Variants in AKAP7 observed in about 807,000 individuals in gnomAD.
The protein encoded by AKAP7 is A-kinase anchoring protein 7.
AKAP7 carries 39 observed loss-of-function variants against 39.5 expected under a neutral mutation model. The ratio of observed to expected loss-of-function variants is 0.99; its 90% CI spans 0.76 to 1.29. The LOEUF is 1.29. Among genes scored for constraint, AKAP7 ranks in the 50% most tolerant of loss-of-function variants. The pLI, the probability that AKAP7 is intolerant of heterozygous loss-of-function variation, is 0.00. For synonymous variants in AKAP7, 140 were observed against 139.1 expected, an observed-to-expected ratio of 1.01 and a Z score of -0.05; for missense variants, 414 against 407.7, an observed-to-expected ratio of 1.02 and a Z score of -0.13.
At chr6:131,218,976 T>G (rs2128297090) in intron 6 of AKAP7, among the ~76,000 whole-genome samples, 1 of 152,274 alleles carries the variant, frequency 6.6e-6, no homozygotes, top group South Asian at 2.1e-4. Context: ...TTTAAAAAAA[T>G]GTATCTATTT....
rs555213404 is a variant in AKAP7, at chr6:131,196,292, G to A, written c.590-3169G>A. On this transcript the variant is annotated intron_variant, in intron 5 of 7. Transcript: ENST00000431975. ...CTTTTTTTTTTTTTTTTGAGACGGA[G>A]TCTCACTCTGTCACTCAGGCAGGAG... Among the ~76,000 whole-genome samples, 447 of 142,376 alleles carry A rather than the reference G, an allele frequency of 3.1e-3. 4 individuals carry two copies. Among genetic ancestry groups the A allele is most frequent in the African/African-American group, 0.011 (418 of 38,078 alleles). 93.4% of individuals were successfully genotyped at this position (142,376 alleles called of 152,430 possible). A position where few individuals can be genotyped will look rare whatever the true frequency, so the allele number is the denominator to read the frequency against.
At position 131,135,513 on chromosome 6, in the gene AKAP7, T is replaced by TGCCGCCGCCGCTGCTGCC. The variant is rs1562852466; in HGVS notation, c.-249_-248insCGCCGCCGCTGCTGCCGC. Among the ~76,000 whole-genome samples, 2 of 148,596 alleles carry TGCCGCCGCCGCTGCTGCC rather than the reference T, an allele frequency of 1.3e-5. No individual in the cohort carries two copies. The highest frequency in any genetic ancestry group is 3.0e-5 in the Non-Finnish European group (2 of 66,838). ...CCTGGCATGCGGGTGCTGCGGCTGC[T>TGCCGCCGCCGCTGCTGCC]GCGGCTGCCGCCGCCGCTGCTGCCG... is the stretch of plus-strand genomic sequence containing the variant. On this transcript the variant is annotated 5_prime_UTR_variant, in exon 1 of 8. Coordinates refer to ENST00000431975, the MANE Select transcript of AKAP7 (RefSeq NM_016377.4).
At chr6:131,137,204 CCTT>C (rs1291091397) in intron 1 of AKAP7, among the ~76,000 whole-genome samples, 9 of 151,874 alleles carry the variant, frequency 5.9e-5, no homozygotes, top group Non-Finnish European at 1.2e-4. Context: ...CTCAAGCAGT[CCTT>C]CTCTGAGTGC....
chr6:131,167,498 C>G (rs1351109096), intron 4 of AKAP7, among the ~76,000 whole-genome samples: 2 of 152,108 alleles, frequency 1.3e-5, no homozygotes, highest in African/African-American at 2.4e-5. Context: ...AATAGCTGTT[C>G]TGTTATCACA....
At chr6:131,197,546 A>G (rs1286334014) in intron 5 of AKAP7, among the ~76,000 whole-genome samples, 2 of 152,042 alleles carry the variant, frequency 1.3e-5, no homozygotes, top group Admixed American at 6.6e-5. Context: ...CTGATATTCT[A>G]TTCTCTGTTC....
chr6:131,155,840 T>C (rs1289656833), intron 2 of AKAP7, among the ~76,000 whole-genome samples: 1 of 152,206 alleles, frequency 6.6e-6, no homozygotes, highest in Non-Finnish European at 1.5e-5. Context: ...CTTTGGCCAA[T>C]GAGAAGACAT....
intron 7 of AKAP7, among the ~76,000 whole-genome samples, chr6:131,263,742 C>G (rs1813552854): frequency 6.6e-6 from 1 of 151,968 alleles, no homozygotes; most frequent in African/African-American, 2.4e-5. Flanking sequence ...GCAGTGGATA[C>G]TTTTATAAGA....
intron 7 of AKAP7, among the ~76,000 whole-genome samples, chr6:131,252,403 T>A (rs183466248): frequency 2.6e-5 from 4 of 152,336 alleles, no homozygotes; most frequent in Non-Finnish European, 5.9e-5. Context: ...CTGCCCATCA[T>A]TCTTTCATCT....
intron 7 of AKAP7, chr6:131,250,625 G>A (rs1374158815): frequency 6.2e-7 from 1 of 1,613,654 alleles, no homozygotes; most frequent in Non-Finnish European, 8.5e-7. Context: ...CAGTAAGTGG[G>A]ATTTGTACTG....
At chr6:131,256,009 A>G (rs1385235815) in intron 7 of AKAP7, among the ~76,000 whole-genome samples, 3 of 152,314 alleles carry the variant, frequency 2.0e-5, no homozygotes, top group Middle Eastern at 3.4e-3. Context: ...TCCCTGTCTC[A>G]TTTAAGAGTG....
intron 7 of AKAP7, among the ~76,000 whole-genome samples, chr6:131,232,600 G>T (rs754515282): frequency 2.0e-4 from 30 of 152,090 alleles, no homozygotes; most frequent in Non-Finnish European, 3.7e-4. Context: ...CCGAGGTCAG[G>T]AGTTAAAAAC....
At position 131,281,203 on chromosome 6, in the gene AKAP7, C is replaced by T. The variant is rs745736248; in HGVS notation, c.851-327C>T. 9.3e-4 allele frequency among the ~76,000 whole-genome samples: 142 copies of T among 152,242 alleles called. 1 individual carries two copies. Among genetic ancestry groups the T allele is most frequent in the Admixed American group, 1.7e-3 (26 of 15,300 alleles). On this transcript the variant is annotated intron_variant, in intron 7 of 7. Coordinates refer to ENST00000431975, the MANE Select transcript of AKAP7 (RefSeq NM_016377.4). This position sits in a 1 kb window ranked among gnomAD's most constrained non-coding sequence, Gnocchi z 4.0. Reference sequence around the variant, plus strand: ...GTGAATTCACATGTCTGAGACTCCACGTGGTGGGGACATGGACGTTAGTAG... The same window carrying T: ...GTGAATTCACATGTCTGAGACTCCATGTGGTGGGGACATGGACGTTAGTAG...
chr6:131,241,629 A>G (rs71545259), intron 7 of AKAP7, among the ~76,000 whole-genome samples: 3,179 of 71,056 alleles, frequency 0.045, 81 homozygotes, highest in African/African-American at 0.078. Context: ...GTGTGTGTGT[A>G]TATATATATG....
At position 131,169,403 on chromosome 6, in the gene AKAP7, G is replaced by A. The variant is rs538421635; in HGVS notation, c.589+130G>A. On this transcript the variant is annotated intron_variant, in intron 5 of 7. Transcript: ENST00000431975. ...CTAGACTCAAGTATTTTTTAGGACTGTCCCAATCATAAGTCTGAAGGATTT... is the reference window on the plus strand; with the variant it reads ...CTAGACTCAAGTATTTTTTAGGACTATCCCAATCATAAGTCTGAAGGATTT... 49 of 1,007,660 alleles carry A rather than the reference G, an allele frequency of 4.9e-5. No individual in the cohort carries two copies. In the African/African-American group the frequency reaches 6.1e-4, roughly 12 times the overall value. The allele number at this position is 1,007,660 out of a possible 1,614,324, so 62.4% of individuals were successfully genotyped here.
intron 7 of AKAP7, among the ~76,000 whole-genome samples, chr6:131,249,813 C>T (rs1276084530): frequency 6.6e-6 from 1 of 152,010 alleles, no homozygotes; most frequent in Non-Finnish European, 1.5e-5. Context: ...GGGTAATTTT[C>T]TAGGCTGTTG....
At chr6:131,209,532 G>A (rs1808458555) in intron 6 of AKAP7, among the ~76,000 whole-genome samples, 1 of 152,150 alleles carries the variant, frequency 6.6e-6, no homozygotes. Context: ...TTACAAGCGT[G>A]AGCCACCACA....
chr6:131,222,183 A>G (rs994173698), intron 7 of AKAP7, among the ~76,000 whole-genome samples: 3 of 152,176 alleles, frequency 2.0e-5, no homozygotes, highest in African/African-American at 7.2e-5. Context: ...TGACTTTGAG[A>G]AGAGATTCAA....
intron 5 of AKAP7, among the ~76,000 whole-genome samples, chr6:131,174,968 A>G (rs935691082): frequency 6.6e-6 from 1 of 151,754 alleles, no homozygotes; most frequent in African/African-American, 2.4e-5. Context: ...GTTTACTACT[A>G]ATAGTCTACT....
At chr6:131,274,247 A>G (rs1341394013) in intron 7 of AKAP7, among the ~76,000 whole-genome samples, 2 of 152,062 alleles carry the variant, frequency 1.3e-5, no homozygotes, top group African/African-American at 4.8e-5. Flanking sequence ...TCTTCTCAAG[A>G]ATCACATTTC....
Sources: gnomAD v4.1 joint callset for allele counts (sites outside exome capture counted in the v4.1 genomes callset) on GRCh38, gnomAD v4.1.1 for gene constraint, Gnocchi (gnomAD v3.1) non-coding constraint, MANE v1.5 for transcripts, NCBI Gene and HGNC (gene_info 2026-07-23, HGNC 2026-07-21) for gene names.